Variants in ARHGEF26 observed in about 807,000 individuals in gnomAD.
ARHGEF26 encodes Rho guanine nucleotide exchange factor 26, also known as Rho guanine nucleotide exchange factor (GEF) 26.
ARHGEF26 carries 59 observed loss-of-function variants against 89.4 expected under a neutral mutation model. That is an observed-to-expected ratio of 0.66 (90% CI 0.54 to 0.82). ARHGEF26 has a LOEUF of 0.82. Among genes scored for constraint, ARHGEF26 ranks in the 40% least tolerant of loss-of-function variants. The pLI, the probability that ARHGEF26 is intolerant of heterozygous loss-of-function variation, is 0.00. For missense variants in ARHGEF26, 1,234 were observed against 1,085.6 expected, an observed-to-expected ratio of 1.14 and a Z score of -1.92; for synonymous variants, 500 against 428.4, an observed-to-expected ratio of 1.17 and a Z score of -2.06.
intron 6 of ARHGEF26, among the ~76,000 whole-genome samples, chr3:154,158,968 A>G (rs1315151186): frequency 6.6e-6 from 1 of 152,140 alleles, no homozygotes; most frequent in Admixed American, 6.6e-5. Flanking sequence ...ATACATCCCT[A>G]TTAAAAGACT....
At chr3:154,229,177 A>G (rs952907806) in intron 11 of ARHGEF26, among the ~76,000 whole-genome samples, 2 of 152,090 alleles carry the variant, frequency 1.3e-5, no homozygotes, top group African/African-American at 4.8e-5. Flanking sequence ...CTTTTTTAGA[A>G]CATTAAAAAC....
chr3:154,176,083 A>C (rs1040245593), intron 6 of ARHGEF26, among the ~76,000 whole-genome samples: 5 of 152,228 alleles, frequency 3.3e-5, no homozygotes, highest in African/African-American at 4.8e-5. Flanking sequence ...CAGTCTAGCT[A>C]TCCAGTGGTG....
intron 4 of ARHGEF26, among the ~76,000 whole-genome samples, chr3:154,137,537 A>G (rs368874525): frequency 4.6e-5 from 7 of 152,182 alleles, no homozygotes; most frequent in African/African-American, 1.7e-4. Context: ...AAGAGAGATA[A>G]AGGTGGGGGA....
chr3:154,204,232 T>G (rs1714855961), intron 9 of ARHGEF26, among the ~76,000 whole-genome samples: 1 of 152,058 alleles, frequency 6.6e-6, no homozygotes, highest in African/African-American at 2.4e-5. Context: ...GTAGGTGGTA[T>G]GTGTATGGGA....
At chr3:154,128,911 T>C (rs1463217) in intron 3 of ARHGEF26, among the ~76,000 whole-genome samples, 97,666 of 152,002 alleles carry the variant, frequency 0.64, 32,784 homozygotes, top group Non-Finnish European at 0.75. Context: ...CAAAATACTA[T>C]CAAAGTTATT....
chr3:154,233,775 T>C (rs1716947023), intron 11 of ARHGEF26, among the ~76,000 whole-genome samples: 1 of 152,202 alleles, frequency 6.6e-6, no homozygotes, highest in African/African-American at 2.4e-5. Flanking sequence ...GGTGGGGTGA[T>C]GGGCCATGGT....
chr3:154,121,972 C>T lies in ARHGEF26; in HGVS notation c.-21C>T. On this transcript the variant is annotated 5_prime_UTR_variant, in exon 2 of 15. Coordinates refer to ENST00000465093, the MANE Select transcript of ARHGEF26 (RefSeq NM_015595.4). The stretch of plus-strand genomic sequence containing the variant: ...ACTAACTCGGTGTTGCTCCTCCCGG[C>T]GCTGACTTCGAGGCCCGGCTATGGA... The T allele has an allele frequency of 1.3e-6, 2 of 1,572,054 alleles. No individual in the cohort carries two copies. Among genetic ancestry groups the T allele is most frequent in the Non-Finnish European group, 1.7e-6 (2 of 1,153,798 alleles).
At position 154,152,064 on chromosome 3, in the gene ARHGEF26, A is replaced by C. The variant is rs1720058492; in HGVS notation, c.1327-708A>C. 2.0e-5 allele frequency among the ~76,000 whole-genome samples: 3 copies of C among 152,206 alleles called. No homozygotes were observed. In the South Asian group the frequency reaches 6.2e-4, roughly 31 times the overall value. On this transcript the variant is annotated intron_variant, in intron 5 of 14. Transcript: ENST00000465093. ...ATCATTAACAGTTATCAGGAAAACC[A>C]CTGTGTGCCTGCCACTGAGAGTCTC...
chr3:154,167,408 C>A (rs1050483990), intron 6 of ARHGEF26, among the ~76,000 whole-genome samples: 5 of 152,158 alleles, frequency 3.3e-5, no homozygotes, highest in East Asian at 1.9e-4. Flanking sequence ...CCTTTCCTTA[C>A]CGCTCAATCT....
At chr3:154,212,209 T>A (rs907791624) in intron 9 of ARHGEF26, among the ~76,000 whole-genome samples, 1 of 151,896 alleles carries the variant, frequency 6.6e-6, no homozygotes, top group African/African-American at 2.4e-5. Flanking sequence ...CATACAGCTG[T>A]GGTTCCAACT....
rs903989001 is a variant in ARHGEF26, at chr3:154,122,599, T to G, written c.607T>G (p.Phe203Val). ...GGCAAAGGACCCCGAACGGGGGCTC[T>G]TTCCTGGGCCCCAGAAAAGTTCTTC... The part of the protein sequence containing the change: ...RKAKDPERGL[F>V]PGPQKSSSEQ... Residue 203 changes from phenylalanine (F) to valine (V), a missense_variant, in exon 2 of 15, where the codon TTT becomes GTT. Coordinates refer to ENST00000465093, the MANE Select transcript of ARHGEF26 (RefSeq NM_015595.4). The G allele has an allele frequency of 1.9e-6, 3 of 1,613,558 alleles. No individual in the cohort carries two copies. Among genetic ancestry groups the G allele is most frequent in the African/African-American group, 2.7e-5 (2 of 74,906 alleles).
chr3:154,236,726 T>G lies in ARHGEF26; in HGVS notation c.2091-3644T>G, dbSNP rs185136730. 1.5e-4 allele frequency among the ~76,000 whole-genome samples: 23 copies of G among 152,332 alleles called. No homozygotes were observed. The East Asian group carries it at 3.3e-3, about 22-fold the overall frequency. Reference sequence around the variant, plus strand: ...AACAGCTGCACCTGGCTATAGAGTTTCTGCTCCTCTTTCTACTGAAGCACT... The same window carrying G: ...AACAGCTGCACCTGGCTATAGAGTTGCTGCTCCTCTTTCTACTGAAGCACT... On this transcript the variant is annotated intron_variant, in intron 11 of 14. Transcript: ENST00000465093.
At chr3:154,239,240 G>A (rs1418647673) in intron 11 of ARHGEF26, among the ~76,000 whole-genome samples, 11 of 144,990 alleles carry the variant, frequency 7.6e-5, no homozygotes, top group Admixed American at 3.5e-4. Context: ...GGGACTTGAT[G>A]TAAATGACCG....
At chr3:154,164,810 A>C (rs371582912) in intron 6 of ARHGEF26, among the ~76,000 whole-genome samples, 1 of 152,172 alleles carries the variant, frequency 6.6e-6, no homozygotes, top group African/African-American at 2.4e-5. Context: ...ATTTAGGTGT[A>C]CATTTGTGAA....
Position 154,217,961 on chromosome 3 carries a change from A to G in ARHGEF26, c.1935+3A>G. ...CCCAGCTGGAATTTAAAATTAAGGT[A>G]TTCTCGTACCTTGTTCATTACTGTT... On this transcript the variant is annotated splice_donor_region_variant and intron_variant, in intron 10 of 14. Coordinates refer to ENST00000465093, the MANE Select transcript of ARHGEF26 (RefSeq NM_015595.4). 1 of 1,575,398 alleles carries G rather than the reference A, an allele frequency of 6.3e-7. No individual in the cohort carries two copies. Among genetic ancestry groups the G allele is most frequent in the Non-Finnish European group, 8.6e-7 (1 of 1,158,700 alleles).
At chr3:154,198,427 C>T (rs1257980592) in intron 9 of ARHGEF26, among the ~76,000 whole-genome samples, 15 of 152,130 alleles carry the variant, frequency 9.9e-5, no homozygotes, top group Admixed American at 7.2e-4. Flanking sequence ...CACTTGCACA[C>T]TCATGTTTAT....
At chr3:154,126,259 T>C (rs1054473798) in intron 3 of ARHGEF26, among the ~76,000 whole-genome samples, 2 of 152,182 alleles carry the variant, frequency 1.3e-5, no homozygotes, top group Non-Finnish European at 2.9e-5. Flanking sequence ...GGCAGATGCA[T>C]GCTTGTTTTG....
chr3:154,126,261 CT>C (rs1180596531), intron 3 of ARHGEF26, among the ~76,000 whole-genome samples: 2 of 152,124 alleles, frequency 1.3e-5, no homozygotes, highest in Non-Finnish European at 2.9e-5. Flanking sequence ...CAGATGCATG[CT>C]TGTTTTGGTA....
intron 4 of ARHGEF26, among the ~76,000 whole-genome samples, chr3:154,148,418 T>C (rs1321774237): frequency 6.6e-6 from 1 of 152,224 alleles, no homozygotes; most frequent in African/African-American, 2.4e-5. Context: ...TTGTCAAAAC[T>C]ACCTTCTCTT....
Sources: gnomAD v4.1 joint callset for allele counts (sites outside exome capture counted in the v4.1 genomes callset) on GRCh38, gnomAD v4.1.1 for gene constraint, MANE v1.5 for transcripts, NCBI Gene and HGNC (gene_info 2026-07-23, HGNC 2026-07-21) for gene names.